The following PRAMEF2 variants were observed in gnomAD, a reference collection of about 807,000 sequenced individuals.
The protein encoded by PRAMEF2 is PRAME family member 2.
Under a neutral mutation model 38.0 loss-of-function variants are expected in PRAMEF2, and 35 were observed. That is an observed-to-expected ratio of 0.92 (90% CI 0.70 to 1.22). PRAMEF2 has a LOEUF of 1.22. Among genes scored for constraint, PRAMEF2 ranks in the 50% most tolerant of loss-of-function variants. The pLI, the probability that PRAMEF2 is intolerant of heterozygous loss-of-function variation, is 0.00. For synonymous variants in PRAMEF2, 240 were observed against 232.4 expected (o/e 1.03, Z -0.30); for missense variants, 562 against 553.9 (o/e 1.01, Z -0.15).
chr1:12,859,295 A>T lies in PRAMEF2; in HGVS notation c.286A>T (p.Arg96Trp). 1 of 1,609,502 alleles carries T rather than the reference A, an allele frequency of 6.2e-7. No individual in the cohort carries two copies. Among genetic ancestry groups the T allele is most frequent in the Non-Finnish European group, 8.5e-7 (1 of 1,178,522 alleles). ...HMLLTQKDRP[R>W]RWKLQVLDLR... ...GCTGCTTACACAGAAGGATCGCCCC[A>T]GGTGAGGTGACCCAGGAGGGCTAGT... is the stretch of plus-strand genomic sequence containing the variant. Residue 96 changes from arginine (R) to tryptophan (W), a missense_variant and splice_region_variant, in exon 2 of 4, where the codon AGG becomes TGG. Coordinates refer to ENST00000240189, the MANE Select transcript of PRAMEF2 (RefSeq NM_023014.1).
chr1:12,861,341 C>T lies in PRAMEF2; in HGVS notation c.987C>T (p.Tyr329=), dbSNP rs146902655. 9.4e-4 allele frequency: 1,518 copies of T among 1,606,830 alleles called. 40 individuals are homozygous for T. In the African/African-American group the frequency reaches 0.018, roughly 19 times the overall value. ...LGYLKHLNLS[Y]VLLFRISLEP... is the part of the protein sequence containing the mutation. ...ACCTAAAGCATCTGAATCTCAGCTA[C>T]GTGCTGCTGTTCCGCATCAGTCTTG... The change falls in exon 4 of 4, where the codon TAC becomes TAT. Residue 329 remains tyrosine, a synonymous_variant. Transcript: ENST00000240189.
rs17404792 is a variant in PRAMEF2, at chr1:12,859,030, G to A, written c.21G>A (p.Pro7=). The A allele has an allele frequency of 1.5e-5, 24 of 1,596,490 alleles. 2 individuals are homozygous for A. The highest frequency in any genetic ancestry group is 1.4e-4 in the Admixed American group (8 of 57,068). ...TCAGGATGAGCATCCAGGCCCCACC[G>A]AGACTACTGGAGCTGGCGGGGCAGA... MSIQAP[P]RLLELAGQSL... is the part of the protein sequence containing the mutation. The change falls in exon 2 of 4, where the codon CCG becomes CCA. Residue 7 remains proline, a synonymous_variant. Transcript: ENST00000240189.
chr1:12,861,587 G>T lies in PRAMEF2; in HGVS notation c.1233G>T (p.Thr411=). 1 of 1,604,644 alleles carries T rather than the reference G, an allele frequency of 6.2e-7. No homozygotes were observed. Among genetic ancestry groups the T allele is most frequent in the African/African-American group, 1.4e-5 (1 of 73,996 alleles). ...GGCTGAGCAAGTTAAGCCTGGAGAC[G>T]TATCCTGCCCCTGAGGAGAGTTTGA... The part of the protein sequence containing the change: ...TSGLSKLSLE[T]YPAPEESLNS... Residue 411 remains threonine, a synonymous_variant, in exon 4 of 4, where the codon ACG becomes ACT. Transcript: ENST00000240189.
Position 12,861,296 on chromosome 1 carries a change from C to T in PRAMEF2, c.942C>T (p.Ser314=), listed in dbSNP as rs769160368. The part of the protein sequence containing the change: ...NLLEEDLKCL[S]QFPSLGYLKH... ...TAGAAGAGGACTTGAAGTGTCTCTC[C>T]CAGTTCCCAAGCCTCGGTTACCTAA... The change falls in exon 4 of 4, where the codon TCC becomes TCT. Residue 314 remains serine, a synonymous_variant. Coordinates refer to ENST00000240189, the MANE Select transcript of PRAMEF2 (RefSeq NM_023014.1). 2 of 1,607,310 alleles carry T rather than the reference C, an allele frequency of 1.2e-6. No individual in the cohort carries two copies. Among genetic ancestry groups the T allele is most frequent in the Non-Finnish European group, 1.7e-6 (2 of 1,176,746 alleles).
At chr1:12,859,391 G>C (rs1313587839) in intron 2 of PRAMEF2, 95 bp downstream of exon 2, 2 of 1,588,898 alleles carry the variant, frequency 1.3e-6, no homozygotes, top group Admixed American at 3.6e-5. Flanking sequence ...GCGGCCCAGA[G>C]TCTTCTGATG....
chr1:12,861,482 C>T lies in PRAMEF2; in HGVS notation c.1128C>T (p.Cys376=). Residue 376 remains cysteine (C), a synonymous_variant, in exon 4 of 4, where the codon TGC becomes TGT. Transcript: ENST00000240189. The stretch of plus-strand genomic sequence containing the variant: ...CCATCCTGCCTGGCCTGAGCTGCTG[C>T]TCCCAGCTCACCACCTTCTACTTTG... ...LSAILPGLSC[C]SQLTTFYFGS... The T allele has an allele frequency of 1.2e-6, 2 of 1,606,220 alleles. No homozygotes were observed. The highest frequency in any genetic ancestry group is 1.7e-6 in the Non-Finnish European group (2 of 1,177,496).
In PRAMEF2 at chr1:12,861,631, A is replaced by T. The variant is rs774381005; in HGVS notation, c.1277A>T (p.Asn426Ile). Residue 426 changes from asparagine (N) to isoleucine (I), a missense_variant, in exon 4 of 4, where the codon AAT (asparagine) becomes ATT (isoleucine). By Grantham distance (149) the Asn-to-Ile change is moderately radical. This residue lies in a region of PRAMEF2 where 76 missense variants were observed against 109.6 expected (regional missense o/e 0.69). Transcript: ENST00000240189. ...EESLNSLVRV[N>I]WEIFTPLRAE... ...AGTTTGAATTCCTTGGTTCGTGTCA[A>T]TTGGGAGATCTTCACCCCACTTCGG... 6.2e-7 allele frequency: 1 copy of T among 1,601,516 alleles called. No homozygotes were observed. The highest frequency in any genetic ancestry group is 1.1e-5 in the South Asian group (1 of 90,340).
intron 2 of PRAMEF2, 61 bp downstream of exon 2, chr1:12,859,357 G>T (rs1483329950): frequency 6.2e-7 from 1 of 1,604,984 alleles, no homozygotes; most frequent in African/African-American, 1.3e-5. Flanking sequence ...GAACAGCAGG[G>T]TCAGGCAGAG....
Position 12,860,008 on chromosome 1 carries a change from A to T in PRAMEF2, c.603A>T (p.Ile201=), listed in dbSNP as rs1408970932. ...AATATCTCAGAAAGTCATTGAAAAT[A>T]ATATACATTAATAGTATTGGGGAGC... The part of the protein sequence containing the change: ...PIKYLRKSLK[I]IYINSIGELE... Residue 201 remains isoleucine (I), a synonymous_variant, in exon 3 of 4, where the codon ATA becomes ATT. Transcript: ENST00000240189. The T allele has an allele frequency of 1.9e-6, 3 of 1,607,190 alleles. No individual in the cohort carries two copies. The South Asian group carries it at 3.3e-5, about 18-fold the overall frequency.
At chr1:12,858,640 T>C (rs1640484424) in intron 1 of PRAMEF2, among the ~76,000 whole-genome samples, 2 of 150,160 alleles carry the variant, frequency 1.3e-5, no homozygotes, top group Admixed American at 1.4e-4. Flanking sequence ...TCATTCTCAA[T>C]GCTTTAGGGT....
chr1:12,859,568 G>A (rs74056158), intron 2 of PRAMEF2, 125 bp from the exon 3 acceptor site: 16 of 1,508,294 alleles, frequency 1.1e-5, no homozygotes, highest in African/African-American at 2.8e-5. Context: ...AAAAGGGATT[G>A]AGAAAAGACA....
rs181925907 is a variant in PRAMEF2, at chr1:12,859,675, C to G, written c.288-18C>G. The G allele has an allele frequency of 3.7e-6, 6 of 1,605,730 alleles. No homozygotes were observed. In the African/African-American group the frequency reaches 4.0e-5, roughly 11 times the overall value. On this transcript the variant is annotated intron_variant, in intron 2 of 3. Coordinates refer to ENST00000240189, the MANE Select transcript of PRAMEF2 (RefSeq NM_023014.1). ...GAGTCCCTCTAAATTCTGAGCCTCT[C>G]CCTTACTTTACCCACAGGAGGTGGA...
chr1:12,859,043 C>G lies in PRAMEF2; in HGVS notation c.34C>G (p.Leu12Val), dbSNP rs755280797. 1.2e-6 allele frequency: 2 copies of G among 1,604,132 alleles called. No homozygotes were observed. Among genetic ancestry groups the G allele is most frequent in the African/African-American group, 2.7e-5 (2 of 73,938 alleles). The change falls in exon 2 of 4, where the codon CTG (leucine) becomes GTG (valine). Residue 12 changes from leucine to valine, a missense_variant. Around this residue, in one of 2 missense-constraint regions of PRAMEF2, gnomAD observed 486 missense variants for 444.2 expected, o/e 1.09. Transcript: ENST00000240189. ...SIQAPPRLLE[L>V]AGQSLLRDQA... ...CCAGGCCCCACCGAGACTACTGGAGCTGGCGGGGCAGAGCCTGCTGAGAGA... is the reference window on the plus strand; with the variant it reads ...CCAGGCCCCACCGAGACTACTGGAGGTGGCGGGGCAGAGCCTGCTGAGAGA...
rs1063785 is a variant in PRAMEF2, at chr1:12,861,272, A to G, written c.918A>G (p.Leu306=). The G allele has an allele frequency of 0.27, 428,192 of 1,592,476 alleles. 66,150 individuals carry two copies. The highest frequency in any genetic ancestry group is 0.41 in the African/African-American group (30,054 of 74,004). The change falls in exon 4 of 4, where the codon TTA becomes TTG. Residue 306 remains leucine, a synonymous_variant. Coordinates refer to ENST00000240189, the MANE Select transcript of PRAMEF2 (RefSeq NM_023014.1). ...ENLELTCGNL[L]EEDLKCLSQF... ...TGGAATTAACTTGTGGCAACCTATTAGAAGAGGACTTGAAGTGTCTCTCCC... is the reference window on the plus strand; with the variant it reads ...TGGAATTAACTTGTGGCAACCTATTGGAAGAGGACTTGAAGTGTCTCTCCC...
At position 12,857,723 on chromosome 1, in the gene PRAMEF2, G is replaced by C. The variant is rs905972740; in HGVS notation, c.-26+576G>C. Among the ~76,000 whole-genome samples the C allele has an allele frequency of 1.3e-4, 19 of 142,042 alleles. 2 individuals are homozygous for C. Among genetic ancestry groups the C allele is most frequent in the Non-Finnish European group, 2.4e-4 (16 of 65,440 alleles). The allele number at this position is 142,042 out of a possible 152,430, so 93.2% of individuals were successfully genotyped here. On this transcript the variant is annotated intron_variant, in intron 1 of 3. Coordinates refer to ENST00000240189, the MANE Select transcript of PRAMEF2 (RefSeq NM_023014.1). ...TCTGGTTGATTTTTTTTTTGAGATG[G>C]AGTTTCCCTATTGTTGCCCAGGCTG...
intron 3 of PRAMEF2, among the ~76,000 whole-genome samples, 153 bp downstream of exon 3, chr1:12,860,424 C>T (rs61636860): frequency 0.043 from 6,400 of 148,840 alleles, 87 homozygotes; most frequent in East Asian, 0.21. Context: ...TTCAGTGTTC[C>T]ATGTCCTGGA....
chr1:12,859,557 G>A lies in PRAMEF2; in HGVS notation c.288-136G>A, dbSNP rs1569847154. ...GTGGGGACCACTCAGAATCCAAAGG[G>A]AAAAGGGATTGAGAAAAGACAAAGA... On this transcript the variant is annotated intron_variant, in intron 2 of 3. Transcript: ENST00000240189. 2 of 1,501,634 alleles carry A rather than the reference G, an allele frequency of 1.3e-6. 1 individual carries two copies. Among genetic ancestry groups the A allele is most frequent in the Non-Finnish European group, 1.8e-6 (2 of 1,108,148 alleles). 93.0% of individuals were successfully genotyped at this position (1,501,634 alleles called of 1,614,324 possible). A position where few individuals can be genotyped will look rare whatever the true frequency, so the allele number is the denominator to read the frequency against.
Position 12,861,772 on chromosome 1 carries a change from G to C in PRAMEF2, c.1418G>C (p.Cys473Ser). The C allele has an allele frequency of 6.3e-7, 1 of 1,591,324 alleles. No individual in the cohort carries two copies. The highest frequency in any genetic ancestry group is 2.2e-5 in the East Asian group (1 of 44,604). Residue 473 changes from cysteine (C) to serine (S), a missense_variant, in exon 4 of 4, where the codon TGC (cysteine) becomes TCC (serine). Around this residue, in one of 2 missense-constraint regions of PRAMEF2, gnomAD observed 76 missense variants for 109.6 expected, o/e 0.69. Transcript: ENST00000240189. ...SPSEELELHL[C>S]C is the part of the protein sequence containing the mutation. ...TCTGAGGAACTGGAGCTCCATCTTT[G>C]CTGCTAGGGAAGGCGTGCCCAGTGG... is the stretch of plus-strand genomic sequence containing the variant.
At chr1:12,857,733 A>G (rs1196500881) in intron 1 of PRAMEF2, among the ~76,000 whole-genome samples, 2 of 140,588 alleles carry the variant, frequency 1.4e-5, no homozygotes, top group Admixed American at 1.5e-4. Context: ...GAGTTTCCCT[A>G]TTGTTGCCCA....
Sources: allele counts gnomAD v4.1 joint callset (sites outside exome capture counted in the v4.1 genomes callset), GRCh38; gene constraint gnomAD v4.1.1; regional missense constraint gnomAD v4.1.1; transcripts MANE v1.5; gene names NCBI Gene and HGNC (gene_info 2026-07-23, HGNC 2026-07-21).